The following AK8 variants were observed in gnomAD, a reference collection of about 807,000 sequenced individuals.
The protein encoded by AK8 is adenylate kinase 8, also known as ATP-AMP transphosphorylase 8.
In AK8, 44 loss-of-function variants were observed where a neutral mutation model predicts 54.6. The observed-to-expected ratio is 0.81, with a 90% CI of 0.63 to 1.04. The LOEUF (loss-of-function observed/expected upper bound fraction) is 1.04. Among genes scored for constraint, AK8 ranks in the 50% least tolerant of loss-of-function variants. AK8 has a pLI of 0.00. For synonymous variants in AK8, 239 were observed against 245.6 expected, an observed-to-expected ratio of 0.97 and a Z score of 0.25; for missense variants, 555 against 613.6, an observed-to-expected ratio of 0.90 and a Z score of 1.01.
At chr9:132,809,486 T>G (rs1840894341) in intron 10 of AK8, among the ~76,000 whole-genome samples, 1 of 152,156 alleles carries the variant, frequency 6.6e-6, no homozygotes, top group South Asian at 2.1e-4. Context: ...TGGCCCACAG[T>G]GCAGAGGAAT....
chr9:132,777,736 G>A (rs1839284167), intron 11 of AK8, among the ~76,000 whole-genome samples: 1 of 152,194 alleles, frequency 6.6e-6, no homozygotes, highest in Non-Finnish European at 1.5e-5. Flanking sequence ...AGGGCTGAGG[G>A]AAACAGTTGT....
intron 11 of AK8, among the ~76,000 whole-genome samples, chr9:132,736,513 T>C (rs1837122378): frequency 6.7e-6 from 1 of 148,798 alleles, no homozygotes; most frequent in Admixed American, 6.7e-5. Context: ...GGAATAAAAT[T>C]TGGGCTGGGC....
chr9:132,792,682 T>C lies in AK8; in HGVS notation c.1073A>G (p.Asp358Gly). 1 of 1,555,900 alleles carries C rather than the reference T, an allele frequency of 6.4e-7. No individual in the cohort carries two copies. ...GTTCAGCAGGTGTGCCTGGTCGAGGTCCCGCGGGACGCCGTGTAGCACCCA... is the reference window on the plus strand; with the variant it reads ...GTTCAGCAGGTGTGCCTGGTCGAGGCCCCGCGGGACGCCGTGTAGCACCCA... ...KGWVLHGVPR[D>G]LDQAHLLNRL... The change falls in exon 11 of 13, where the codon GAC (aspartate) becomes GGC (glycine). Residue 358 changes from aspartate to glycine, a missense_variant. Transcript: ENST00000298545.
At chr9:132,877,891 C>T in intron 1 of AK8, 3 of 724,562 alleles carry the variant, frequency 4.1e-6, no homozygotes, top group Non-Finnish European at 7.2e-6. Context: ...GGTTCCAGAC[C>T]ATAAGGCCCG....
At chr9:132,756,743 C>T (rs1005052612) in intron 11 of AK8, among the ~76,000 whole-genome samples, 10 of 152,144 alleles carry the variant, frequency 6.6e-5, no homozygotes, top group African/African-American at 2.4e-4. Context: ...TAATTTATCT[C>T]TCATCACACC....
At chr9:132,762,454 G>A (rs1333463568) in intron 11 of AK8, among the ~76,000 whole-genome samples, 1 of 152,178 alleles carries the variant, frequency 6.6e-6, no homozygotes, top group Non-Finnish European at 1.5e-5. Flanking sequence ...TGATGTTGGA[G>A]TGACCCCAGG....
intron 11 of AK8, among the ~76,000 whole-genome samples, chr9:132,729,410 TG>T (rs1399264387): frequency 2.0e-5 from 3 of 152,132 alleles, no homozygotes; most frequent in African/African-American, 7.2e-5. Flanking sequence ...ACAAACAGAA[TG>T]AGAAGAGGTG....
chr9:132,823,163 A>G (rs748041254), intron 9 of AK8, 42 bp downstream of exon 9: 11 of 1,504,214 alleles, frequency 7.3e-6, no homozygotes, highest in Non-Finnish European at 9.7e-6. Flanking sequence ...GAGGCAGGGA[A>G]AGGCTCTCGA....
chr9:132,792,685 C>T lies in AK8; in HGVS notation c.1070G>A (p.Arg357Gln), dbSNP rs946535640. The part of the protein sequence containing the change: ...QKGWVLHGVP[R>Q]DLDQAHLLNR... The stretch of plus-strand genomic sequence containing the variant: ...CAGCAGGTGTGCCTGGTCGAGGTCC[C>T]GCGGGACGCCGTGTAGCACCCAGCC... The change falls in exon 11 of 13, where the codon CGG becomes CAG. Residue 357 changes from arginine (R) to glutamine (Q), a missense_variant. Coordinates refer to ENST00000298545, the MANE Select transcript of AK8 (RefSeq NM_152572.3). The T allele has an allele frequency of 4.5e-6, 7 of 1,555,782 alleles. No individual in the cohort carries two copies. Among genetic ancestry groups the T allele is most frequent in the Admixed American group, 1.9e-5 (1 of 51,784 alleles).
intron 2 of AK8, chr9:132,874,273 T>C (rs112199224): frequency 6.6e-6 from 1 of 152,298 alleles, no homozygotes; most frequent in African/African-American, 2.4e-5. Context: ...AGGACTTGCA[T>C]GTGGGGCACA....
rs930192439 is a variant in AK8, at chr9:132,837,192, G to A, written c.403-8466C>T. ...AAATTATCTGGGCGTGGTGGCGGGC[G>A]CCTGTAATCCCAGCTACTCGGGAGA... On this transcript the variant is annotated intron_variant, in intron 5 of 12. Transcript: ENST00000298545. This position sits in a 1 kb window ranked among gnomAD's most constrained non-coding sequence, Gnocchi z 4.3. Among the ~76,000 whole-genome samples the A allele has an allele frequency of 6.6e-6, 1 of 152,026 alleles. No homozygotes were observed. The highest frequency in any genetic ancestry group is 2.4e-5 in the African/African-American group (1 of 41,402).
At chr9:132,762,096 C>T (rs915664180) in intron 11 of AK8, among the ~76,000 whole-genome samples, 2 of 152,202 alleles carry the variant, frequency 1.3e-5, no homozygotes, top group South Asian at 4.1e-4. Flanking sequence ...TCTCGAACTC[C>T]TGGCCATAAG....
At position 132,837,067 on chromosome 9, in the gene AK8, T is replaced by G. The variant is rs1312400851; in HGVS notation, c.403-8341A>C. Among the ~76,000 whole-genome samples the G allele has an allele frequency of 6.6e-6, 1 of 152,098 alleles. No homozygotes were observed. The highest frequency in any genetic ancestry group is 2.4e-5 in the African/African-American group (1 of 41,424). ...CAGGCGTGGTGGTTCACGCCTATAA[T>G]CCCAGCACTTTGGGAGGCCAAGGTA... is the stretch of plus-strand genomic sequence containing the variant. On this transcript the variant is annotated intron_variant, in intron 5 of 12. Coordinates refer to ENST00000298545, the MANE Select transcript of AK8 (RefSeq NM_152572.3). The surrounding 1 kb of genome is among the most constrained non-coding windows in gnomAD (Gnocchi z 4.3).
intron 9 of AK8, among the ~76,000 whole-genome samples, chr9:132,820,464 A>C (rs1841536753): frequency 6.6e-6 from 1 of 152,222 alleles, no homozygotes. Flanking sequence ...ACATGGGTTT[A>C]TCACAACTTA....
chr9:132,808,519 A>G (rs1316013560), intron 10 of AK8, among the ~76,000 whole-genome samples: 2 of 152,196 alleles, frequency 1.3e-5, no homozygotes, highest in Non-Finnish European at 2.9e-5. Flanking sequence ...TTTGCTGCTG[A>G]TTCGAAAGAA....
rs970431694 is a variant in AK8 at position 132,726,014 on chromosome 9, G to A, written c.1203-89C>T. ...CCTCTACTCTACTGTGGACCAATTTGGGGTGTCCTGGCCACCACCACCATC... is the reference window on the plus strand; with the variant it reads ...CCTCTACTCTACTGTGGACCAATTTAGGGTGTCCTGGCCACCACCACCATC... On this transcript the variant is annotated intron_variant, in intron 12 of 12. Coordinates refer to ENST00000298545, the MANE Select transcript of AK8 (RefSeq NM_152572.3). 2.5e-5 allele frequency: 29 copies of A among 1,163,198 alleles called. No homozygotes were observed. In the Admixed American group the frequency reaches 4.3e-4, roughly 17 times the overall value. The allele number at this position is 1,163,198 out of a possible 1,614,324, so 72.1% of individuals were successfully genotyped here.
intron 10 of AK8, among the ~76,000 whole-genome samples, chr9:132,813,238 G>A (rs1201190556): frequency 2.6e-5 from 4 of 151,768 alleles, no homozygotes; most frequent in Non-Finnish European, 5.9e-5. Context: ...AGATCATTGC[G>A]TCTGACGGCT....
At chr9:132,877,641 G>C in intron 1 of AK8, 1 of 331,696 alleles carries the variant, frequency 3.0e-6, no homozygotes, top group Non-Finnish European at 6.1e-6. Flanking sequence ...GGAGCTGCCG[G>C]GGACGTCTGG....
At chr9:132,856,667 C>T (rs748682436) in intron 4 of AK8, among the ~76,000 whole-genome samples, 66 of 152,118 alleles carry the variant, frequency 4.3e-4, no homozygotes, top group Non-Finnish European at 6.9e-4. Flanking sequence ...GAAAGTCAGG[C>T]CCAGGACATC....
Sources: allele counts gnomAD v4.1 joint callset (sites outside exome capture counted in the v4.1 genomes callset), GRCh38; gene constraint gnomAD v4.1.1; non-coding constraint Gnocchi (gnomAD v3.1); transcripts MANE v1.5; gene names NCBI Gene and HGNC (gene_info 2026-07-23, HGNC 2026-07-21).